Variants in ATP10A observed in about 807,000 individuals in gnomAD.
The protein encoded by ATP10A is ATPase phospholipid transporting 10A (putative).
ATP10A carries 111 observed loss-of-function variants against 147.8 expected under a neutral mutation model. The observed-to-expected ratio is 0.75, with a 90% confidence interval of 0.64 to 0.88. ATP10A has a LOEUF of 0.88. ATP10A is among the 40% of genes least tolerant of loss of function. ATP10A has a pLI of 0.00. For missense variants in ATP10A, 1,927 were observed against 1,959.0 expected, an observed-to-expected ratio of 0.98 and a Z score of 0.31; for synonymous variants, 875 against 841.6, an observed-to-expected ratio of 1.04 and a Z score of -0.69.
At chr15:25,729,822 G>A (rs1272011768) in intron 3 of ATP10A, among the ~76,000 whole-genome samples, 1 of 152,148 alleles carries the variant, frequency 6.6e-6, no homozygotes, top group East Asian at 1.9e-4. Flanking sequence ...TATTCCATCT[G>A]CTTCCATGTC....
At chr15:25,730,150 A>AAAT (rs1418938010) in intron 3 of ATP10A, among the ~76,000 whole-genome samples, 1 of 151,600 alleles carries the variant, frequency 6.6e-6, no homozygotes, top group African/African-American at 2.4e-5. Flanking sequence ...AAAAAAAAAA[A>AAAT]AATAGCCAGG....
chr15:25,862,564 G>T, intron 1 of ATP10A, 84 bp downstream of exon 1: 2 of 1,373,584 alleles, frequency 1.5e-6, no homozygotes, highest in Non-Finnish European at 1.9e-6. Flanking sequence ...CCCAGCCCCT[G>T]CCAATCACTG....
intron 4 of ATP10A, among the ~76,000 whole-genome samples, 192 bp downstream of exon 4, chr15:25,726,968 A>C (rs1225752575): frequency 6.7e-6 from 1 of 149,138 alleles, no homozygotes; most frequent in Non-Finnish European, 1.5e-5. Context: ...GAGGCAGGAG[A>C]ATGGCGTGAA....
chr15:25,831,125 G>A (rs940301487), intron 1 of ATP10A, among the ~76,000 whole-genome samples: 7 of 152,198 alleles, frequency 4.6e-5, no homozygotes, highest in African/African-American at 7.2e-5. Flanking sequence ...CAGACAGGCT[G>A]GACCCCGTGC....
At chr15:25,751,153 A>C (rs943464636) in intron 2 of ATP10A, among the ~76,000 whole-genome samples, 4 of 152,172 alleles carry the variant, frequency 2.6e-5, no homozygotes, top group Non-Finnish European at 5.9e-5. Flanking sequence ...ACTAGTCAAA[A>C]GAAAGCTAAA....
chr15:25,688,094 G>T, intron 15 of ATP10A: 1 of 473,462 alleles, frequency 2.1e-6, no homozygotes, highest in Admixed American at 3.3e-5. Flanking sequence ...CACTAATGGG[G>T]TTTAAAAGGT....
intron 15 of ATP10A, 196 bp from the exon 16 acceptor site, chr15:25,688,024 C>T (rs1158411581): frequency 1.5e-6 from 1 of 666,408 alleles, no homozygotes; most frequent in Non-Finnish European, 2.7e-6. Context: ...GCAATCTCAC[C>T]CAACACGCTA....
intron 13 of ATP10A, 75 bp downstream of exon 13, chr15:25,701,841 G>T: frequency 7.2e-7 from 1 of 1,384,452 alleles, no homozygotes; most frequent in Non-Finnish European, 9.8e-7. Context: ...AGGAATGTGA[G>T]TGTCTGCCAA....
intron 1 of ATP10A, among the ~76,000 whole-genome samples, chr15:25,820,205 A>G (rs1891822992): frequency 6.6e-6 from 1 of 152,214 alleles, no homozygotes; most frequent in Non-Finnish European, 1.5e-5. Flanking sequence ...CTTCACATGA[A>G]CAATCTGCAT....
At position 25,852,620 on chromosome 15, in the gene ATP10A, T is replaced by C. The variant is rs550672492; in HGVS notation, c.449+10028A>G. ...GACACTCCAAAGAGGAAAACAGGTT[T>C]TTATTAACTGAATTCATATTGTGGG... On this transcript the variant is annotated intron_variant, in intron 1 of 20. Transcript: ENST00000555815. 1.1e-4 allele frequency among the ~76,000 whole-genome samples: 17 copies of C among 152,326 alleles called. No homozygotes were observed. The South Asian group carries it at 3.5e-3, about 32-fold the overall frequency.
rs533089948 is a variant in ATP10A, at chr15:25,788,409, C to G, written c.450-7186G>C. ...GGTCTGTAGGATCGCTACAGTCTCC[C>G]CCAGCAGACACTGACCCATTTCCCC... is the stretch of plus-strand genomic sequence containing the variant. On this transcript the variant is annotated intron_variant, in intron 1 of 20. Transcript: ENST00000555815. 5.9e-5 allele frequency among the ~76,000 whole-genome samples: 9 copies of G among 152,350 alleles called. No homozygotes were observed. In the East Asian group the frequency reaches 1.7e-3, roughly 29 times the overall value.
chr15:25,716,319 C>T (rs995475247), intron 9 of ATP10A, among the ~76,000 whole-genome samples: 1 of 151,364 alleles, frequency 6.6e-6, no homozygotes. Context: ...GACCCTGAGG[C>T]TCGGGGAGGT....
rs185451076 is a variant in ATP10A at position 25,793,104 on chromosome 15, C to G, written c.450-11881G>C. 7.0e-4 allele frequency among the ~76,000 whole-genome samples: 106 copies of G among 152,240 alleles called. 1 individual carries two copies. Among genetic ancestry groups the G allele is most frequent in the Non-Finnish European group, 8.4e-4 (57 of 68,026 alleles). ...CAGGCTGGTCTCGAACTCCCGACCT[C>G]AGGTGATCCACCCACCTCGGCCTCC... On this transcript the variant is annotated intron_variant, in intron 1 of 20. Transcript: ENST00000555815.
chr15:25,803,820 C>G (rs1891045641), intron 1 of ATP10A, among the ~76,000 whole-genome samples: 4 of 152,228 alleles, frequency 2.6e-5, no homozygotes, highest in Admixed American at 2.6e-4. Context: ...CTGAGTGTAA[C>G]CGGGAGCCGC....
At chr15:25,718,460 A>G (rs1472539902) in intron 7 of ATP10A, 61 bp from the exon 8 acceptor site, 8 of 1,503,142 alleles carry the variant, frequency 5.3e-6, no homozygotes, top group Non-Finnish European at 7.2e-6. Context: ...GCAGAAAGAA[A>G]CCATTCAGTG....
chr15:25,810,543 C>T (rs1331214282), intron 1 of ATP10A, among the ~76,000 whole-genome samples: 2 of 152,158 alleles, frequency 1.3e-5, no homozygotes, highest in African/African-American at 2.4e-5. Flanking sequence ...AAGTTGAAAA[C>T]ACACACGGGT....
chr15:25,786,488 A>G (rs1393017855), intron 1 of ATP10A, among the ~76,000 whole-genome samples: 1 of 150,272 alleles, frequency 6.7e-6, no homozygotes, highest in Non-Finnish European at 1.5e-5. Flanking sequence ...GAACGACAGA[A>G]CTGTTCTTCA....
rs570481114 is a variant in ATP10A, at chr15:25,730,550, G to A, written c.741-3284C>T. On this transcript the variant is annotated intron_variant, in intron 3 of 20. Coordinates refer to ENST00000555815, the MANE Select transcript of ATP10A (RefSeq NM_024490.4). ...CTAGCATCTGCTCTGTCCCCGATGCGTCCCCTACACCCACCCACTCCTGCA... is the reference window on the plus strand; with the variant it reads ...CTAGCATCTGCTCTGTCCCCGATGCATCCCCTACACCCACCCACTCCTGCA... 2.2e-3 allele frequency among the ~76,000 whole-genome samples: 329 copies of A among 152,108 alleles called. 1 individual carries two copies. Among genetic ancestry groups the A allele is most frequent in the African/African-American group, 6.4e-3 (265 of 41,508 alleles).
intron 1 of ATP10A, among the ~76,000 whole-genome samples, chr15:25,791,949 G>A (rs1363787078): frequency 2.0e-5 from 3 of 152,064 alleles, no homozygotes; most frequent in Admixed American, 2.0e-4. Context: ...TATACATGTT[G>A]TTTCCAAGTA....
Sources: allele counts gnomAD v4.1 joint callset (sites outside exome capture counted in the v4.1 genomes callset), GRCh38; gene constraint gnomAD v4.1.1; transcripts MANE v1.5; gene names NCBI Gene and HGNC (gene_info 2026-07-23, HGNC 2026-07-21).